Variants in PTPRD observed in about 807,000 individuals in gnomAD.
PTPRD encodes protein tyrosine phosphatase receptor type D.
Under a neutral mutation model 214.5 loss-of-function variants are expected in PTPRD, and 34 were observed. The observed-to-expected ratio is 0.16, with a 90% confidence interval of 0.12 to 0.21. The LOEUF (loss-of-function observed/expected upper bound fraction) is 0.21, where lower values mean the gene tolerates loss of function less well. Ranked by LOEUF, PTPRD falls within the 10% of genes least tolerant of loss-of-function variation. PTPRD has a pLI of 1.00. For missense variants in PTPRD, 2,545 were observed against 2,398.7 expected (o/e 1.06, Z -1.27); for synonymous variants, 1,128 against 845.7 (o/e 1.33, Z -5.79).
intron 9 of PTPRD, among the ~76,000 whole-genome samples, chr9:9,209,252 T>C (rs1348849142): frequency 1.3e-5 from 2 of 152,196 alleles, no homozygotes; most frequent in Non-Finnish European, 2.9e-5. Flanking sequence ...AAAGACACTA[T>C]TGTTAAGCAA....
In PTPRD at chr9:8,341,165, G is replaced by C. The variant is rs2132430530; in HGVS notation, c.5051C>G (p.Thr1684Arg). 1 of 1,613,070 alleles carries C rather than the reference G, an allele frequency of 6.2e-7. No individual in the cohort carries two copies. The highest frequency in any genetic ancestry group is 8.5e-7 in the Non-Finnish European group (1 of 1,179,476). ...ACGGATAGGCTGCAGGCATACCCTT[G>C]TGGATTCATATGGCATAATATTAAC... ...RLVNIMPYES[T>R]RVCLQPIRGV... The change falls in exon 41 of 46, where the codon ACA (threonine) becomes AGA (arginine). Residue 1684 changes from threonine to arginine, a missense_variant. Physicochemically the swap from Thr to Arg is moderately conservative, Grantham distance 71. Transcript: ENST00000381196.
intron 11 of PTPRD, among the ~76,000 whole-genome samples, chr9:8,775,847 A>AC (rs1206197683): frequency 6.6e-5 from 10 of 151,826 alleles, no homozygotes; most frequent in Admixed American, 3.9e-4. Flanking sequence ...AAATGGAAAA[A>AC]AAAAAATGAT....
chr9:8,846,368 G>A (rs1317971253), intron 11 of PTPRD, among the ~76,000 whole-genome samples: 2 of 152,174 alleles, frequency 1.3e-5, no homozygotes, highest in African/African-American at 2.4e-5. Flanking sequence ...AGGCCATGTA[G>A]TAGGAGCTGG....
At chr9:10,269,417 G>C (rs1295364629) in intron 3 of PTPRD, among the ~76,000 whole-genome samples, 2 of 152,260 alleles carry the variant, frequency 1.3e-5, no homozygotes, top group East Asian at 3.9e-4. Context: ...GCATGTGTAA[G>C]TTTTAAACAG....
chr9:9,244,542 T>A (rs992858971), intron 9 of PTPRD, among the ~76,000 whole-genome samples: 9 of 152,312 alleles, frequency 5.9e-5, no homozygotes, highest in African/African-American at 2.2e-4. Flanking sequence ...GGGGAAAGGA[T>A]TCCCTATTTA....
chr9:8,515,820 C>T (rs980719037), intron 21 of PTPRD, among the ~76,000 whole-genome samples: 2 of 152,060 alleles, frequency 1.3e-5, no homozygotes, highest in Non-Finnish European at 2.9e-5. Context: ...CAATAGATTC[C>T]CGTTGTTTAA....
At chr9:8,347,983 C>T (rs368780898) in intron 39 of PTPRD, among the ~76,000 whole-genome samples, 1 of 151,856 alleles carries the variant, frequency 6.6e-6, no homozygotes, top group Non-Finnish European at 1.5e-5. Context: ...TAACGCAATA[C>T]CTAAAGGTCA....
chr9:8,460,190 T>C (rs754695278), intron 33 of PTPRD: 4 of 591,902 alleles, frequency 6.8e-6, no homozygotes, highest in African/African-American at 1.9e-5. Flanking sequence ...AATAGATGCA[T>C]GTTGGACAAC....
At chr9:8,434,868 G>A (rs2095277522) in intron 35 of PTPRD, among the ~76,000 whole-genome samples, 1 of 152,124 alleles carries the variant, frequency 6.6e-6, no homozygotes, top group African/African-American at 2.4e-5. Context: ...GTGTTTTAAA[G>A]GATACTGCAT....
rs186880605 is a variant in PTPRD, at chr9:9,589,861, G to A, written c.-286-15080C>T. ...TTTGGAGTAGTGTTTATGAGCAAGG[G>A]AAATAAGCACACGTACACGGGGCTT... On this transcript the variant is annotated intron_variant, in intron 7 of 45. Transcript: ENST00000381196. Among the ~76,000 whole-genome samples, 279 of 152,032 alleles carry A rather than the reference G, an allele frequency of 1.8e-3. 1 individual carries two copies. The highest frequency in any genetic ancestry group is 6.2e-3 in the African/African-American group (258 of 41,512).
At chr9:8,580,297 G>C (rs2092933760) in intron 14 of PTPRD, among the ~76,000 whole-genome samples, 1 of 152,142 alleles carries the variant, frequency 6.6e-6, no homozygotes, top group African/African-American at 2.4e-5. Context: ...AATGATACAT[G>C]ACTCTAAAAC....
chr9:10,364,919 C>G (rs766472321), intron 2 of PTPRD, among the ~76,000 whole-genome samples: 1 of 152,174 alleles, frequency 6.6e-6, no homozygotes, highest in Non-Finnish European at 1.5e-5. Context: ...AGAAAGTAAA[C>G]ATATCAATCT....
At chr9:10,248,994 C>T (rs904912297) in intron 3 of PTPRD, among the ~76,000 whole-genome samples, 1 of 151,904 alleles carries the variant, frequency 6.6e-6, no homozygotes, top group African/African-American at 2.4e-5. Flanking sequence ...GAAGTTTGAT[C>T]CCCTAAATCA....
At chr9:8,990,947 G>C (rs901785398) in intron 11 of PTPRD, among the ~76,000 whole-genome samples, 3 of 152,066 alleles carry the variant, frequency 2.0e-5, no homozygotes, top group Non-Finnish European at 1.5e-5. Context: ...AGGCACAGTG[G>C]CTCATGTCTG....
chr9:10,205,444 T>G (rs535249745), intron 3 of PTPRD, among the ~76,000 whole-genome samples: 5 of 151,978 alleles, frequency 3.3e-5, no homozygotes, highest in Non-Finnish European at 7.4e-5. Flanking sequence ...CTTACTCTGT[T>G]GCCCAGGCTG....
intron 9 of PTPRD, among the ~76,000 whole-genome samples, chr9:9,294,119 T>C (rs1473248626): frequency 6.6e-6 from 1 of 151,608 alleles, no homozygotes; most frequent in Admixed American, 6.6e-5. Flanking sequence ...TTGCCTTATA[T>C]ATGGAGGATT....
At chr9:9,931,561 G>T (rs955632648) in intron 5 of PTPRD, among the ~76,000 whole-genome samples, 10 of 152,280 alleles carry the variant, frequency 6.6e-5, no homozygotes, top group Middle Eastern at 3.4e-3. Flanking sequence ...TCCCGCACGT[G>T]GCTCGGAGGG....
At chr9:9,141,652 A>T (rs1363180091) in intron 10 of PTPRD, among the ~76,000 whole-genome samples, 3 of 151,476 alleles carry the variant, frequency 2.0e-5, no homozygotes, top group African/African-American at 7.3e-5. Flanking sequence ...AATCCCTTTC[A>T]CACCAACACC....
intron 5 of PTPRD, among the ~76,000 whole-genome samples, chr9:9,926,184 T>A (rs1209446432): frequency 1.3e-5 from 2 of 152,114 alleles, no homozygotes; most frequent in African/African-American, 4.8e-5. Flanking sequence ...ATCTTATACT[T>A]ACCTAATATT....
Sources: allele counts gnomAD v4.1 joint callset (sites outside exome capture counted in the v4.1 genomes callset), GRCh38; gene constraint gnomAD v4.1.1; transcripts MANE v1.5; gene names NCBI Gene and HGNC (gene_info 2026-07-23, HGNC 2026-07-21).